Variants in WWP1 observed in about 807,000 individuals in gnomAD.
WWP1 encodes the protein WW domain containing E3 ubiquitin protein ligase 1, also known as NEDD4-like E3 ubiquitin-protein ligase WWP1.
Under a neutral mutation model 130.6 loss-of-function variants are expected in WWP1, and 49 were observed. The observed-to-expected ratio is 0.38, with a 90% CI of 0.30 to 0.48. The LOEUF (loss-of-function observed/expected upper bound fraction) is 0.48. Among genes scored for constraint, WWP1 ranks in the 20% least tolerant of loss-of-function variants. The pLI is 0.99. For synonymous variants in WWP1, 332 were observed against 367.8 expected (o/e 0.90, Z 1.11); for missense variants, 809 against 1,100.6 (o/e 0.74, Z 3.75).
intron 1 of WWP1, among the ~76,000 whole-genome samples, chr8:86,362,825 T>G (rs1823748798): frequency 6.6e-6 from 1 of 152,190 alleles, no homozygotes. Context: ...AAATAAAAGC[T>G]GGGATTAGTA....
At chr8:86,384,401 T>C (rs1463239787) in intron 5 of WWP1, among the ~76,000 whole-genome samples, 1 of 152,170 alleles carries the variant, frequency 6.6e-6, no homozygotes, top group Middle Eastern at 3.2e-3. Flanking sequence ...AGTAAAATAA[T>C]TTAAAGTAAT....
intron 5 of WWP1, among the ~76,000 whole-genome samples, chr8:86,392,020 T>A (rs541165383): frequency 6.6e-6 from 1 of 152,296 alleles, no homozygotes; most frequent in African/African-American, 2.4e-5. Flanking sequence ...AGACAATAAA[T>A]TCTTTTGGCA....
intron 1 of WWP1, among the ~76,000 whole-genome samples, chr8:86,349,796 C>T (rs1165558047): frequency 6.6e-6 from 1 of 151,630 alleles, no homozygotes. Flanking sequence ...AAGTACAGGA[C>T]CCAAGAGTCC....
At chr8:86,465,499 G>A (rs1201342678) in intron 24 of WWP1, among the ~76,000 whole-genome samples, 1 of 152,020 alleles carries the variant, frequency 6.6e-6, no homozygotes, top group Non-Finnish European at 1.5e-5. Flanking sequence ...GGTGGCATGC[G>A]CCTGTACTCC....
intron 1 of WWP1, among the ~76,000 whole-genome samples, chr8:86,358,305 T>C (rs966336699): frequency 6.6e-6 from 1 of 152,130 alleles, no homozygotes; most frequent in East Asian, 1.9e-4. Flanking sequence ...CCCACTTGCA[T>C]AGTATTTTCT....
intron 7 of WWP1, among the ~76,000 whole-genome samples, chr8:86,400,185 A>T (rs1254028117): frequency 2.0e-5 from 3 of 151,938 alleles, no homozygotes; most frequent in Non-Finnish European, 4.4e-5. Context: ...AAAAAAAATG[A>T]GCCAGGCATG....
At chr8:86,440,273 C>G (rs139775719) in intron 17 of WWP1, among the ~76,000 whole-genome samples, 111 of 152,234 alleles carry the variant, frequency 7.3e-4, no homozygotes, top group African/African-American at 2.6e-3. Context: ...GCTAGTTCCT[C>G]CATAACATGA....
intron 8 of WWP1, among the ~76,000 whole-genome samples, chr8:86,407,098 A>C (rs1563503728): frequency 6.6e-6 from 1 of 152,188 alleles, no homozygotes; most frequent in Non-Finnish European, 1.5e-5. Flanking sequence ...TCAGAACCCA[A>C]GTCAGTGGGT....
At chr8:86,389,529 A>G (rs1337357406) in intron 5 of WWP1, among the ~76,000 whole-genome samples, 1 of 152,252 alleles carries the variant, frequency 6.6e-6, no homozygotes. Context: ...AGTACAGAAC[A>G]AAATGGAGTC....
Position 86,458,670 on chromosome 8 carries a change from G to A in WWP1, c.2499+645G>A, listed in dbSNP as rs538816993. On this transcript the variant is annotated intron_variant, in intron 22 of 24. Transcript: ENST00000517970. Reference sequence around the variant, plus strand: ...GACTCTTTTGAGCAACTTAGTGACTGGACTTCTGGCTTACTTCTGCTTAAC... The same window carrying A: ...GACTCTTTTGAGCAACTTAGTGACTAGACTTCTGGCTTACTTCTGCTTAAC... 2.7e-4 allele frequency among the ~76,000 whole-genome samples: 41 copies of A among 152,248 alleles called. No individual in the cohort carries two copies. The East Asian group carries it at 7.9e-3, about 29-fold the overall frequency.
intron 9 of WWP1, among the ~76,000 whole-genome samples, chr8:86,422,098 T>C (rs1300882066): frequency 6.6e-6 from 1 of 152,032 alleles, no homozygotes; most frequent in African/African-American, 2.4e-5. Flanking sequence ...AGTACTTTCC[T>C]TCAAAATATA....
At chr8:86,343,876 T>C (rs944317374) in intron 1 of WWP1, among the ~76,000 whole-genome samples, 1 of 152,154 alleles carries the variant, frequency 6.6e-6, no homozygotes, top group Non-Finnish European at 1.5e-5. Context: ...GTAATAGTAG[T>C]GGGAAAAAAA....
At chr8:86,422,319 GTATTTATTTATTTATT>G (rs55854341) in intron 9 of WWP1, among the ~76,000 whole-genome samples, 46,779 of 147,836 alleles carry the variant, frequency 0.32, 8,871 homozygotes, top group Middle Eastern at 0.44. Context: ...GTACCAGTTT[GTATTTATTTATTTATT>G]TATTTATTTA....
At chr8:86,393,990 C>T (rs899259877) in intron 5 of WWP1, among the ~76,000 whole-genome samples, 5 of 152,218 alleles carry the variant, frequency 3.3e-5, no homozygotes, top group South Asian at 2.1e-4. Context: ...AGCCCTGTGG[C>T]GGGGCACTGA....
intron 7 of WWP1, among the ~76,000 whole-genome samples, chr8:86,400,328 G>A (rs1165113554): frequency 2.6e-5 from 4 of 151,604 alleles, no homozygotes; most frequent in African/African-American, 4.9e-5. Flanking sequence ...GCAAGACTTC[G>A]TCTCGGGGGG....
intron 14 of WWP1, among the ~76,000 whole-genome samples, chr8:86,433,012 C>T (rs955112268): frequency 6.6e-6 from 1 of 152,170 alleles, no homozygotes; most frequent in Non-Finnish European, 1.5e-5. Flanking sequence ...AGGAAGTTCC[C>T]CTGACACTGA....
chr8:86,420,736 TCA>T (rs1489214713), intron 9 of WWP1, among the ~76,000 whole-genome samples: 9 of 152,220 alleles, frequency 5.9e-5, no homozygotes, highest in Non-Finnish European at 1.5e-5. Flanking sequence ...GCAATAAGTC[TCA>T]CAGACTGTAT....
chr8:86,351,300 G>C (rs368565138), intron 1 of WWP1, among the ~76,000 whole-genome samples: 1 of 152,120 alleles, frequency 6.6e-6, no homozygotes, highest in African/African-American at 2.4e-5. Flanking sequence ...TTCTAGCTTC[G>C]TTTTGGCATG....
chr8:86,434,088 T>C (rs1196630042), intron 14 of WWP1, among the ~76,000 whole-genome samples: 1 of 152,220 alleles, frequency 6.6e-6, no homozygotes, highest in Non-Finnish European at 1.5e-5. Flanking sequence ...ATCTGTTGCC[T>C]GGCTTGGTAG....
Sources: allele counts gnomAD v4.1 joint callset (sites outside exome capture counted in the v4.1 genomes callset), GRCh38; gene constraint gnomAD v4.1.1; transcripts MANE v1.5; gene names NCBI Gene and HGNC (gene_info 2026-07-23, HGNC 2026-07-21).